Variants in PWWP3A observed in about 807,000 individuals in gnomAD.
PWWP3A encodes PWWP domain-containing DNA repair factor 3A.
PWWP3A carries 53 observed loss-of-function variants against 79.0 expected under a neutral mutation model. The observed-to-expected ratio is 0.67, with a 90% CI of 0.54 to 0.84. PWWP3A has a LOEUF of 0.84. PWWP3A is among the 40% of genes least tolerant of loss of function. The probability of loss-of-function intolerance (pLI) is 0.00; values close to 1 mark genes in which losing one functional copy is unlikely to be tolerated. For synonymous variants in PWWP3A, 443 were observed against 394.4 expected (o/e 1.12, Z -1.46); for missense variants, 973 against 948.0 (o/e 1.03, Z -0.35).
Position 1,360,691 on chromosome 19 carries a change from C to T in PWWP3A, c.770C>T (p.Ser257Phe), listed in dbSNP as rs1600101870. The T allele has an allele frequency of 6.2e-7, 1 of 1,613,474 alleles. No individual in the cohort carries two copies. The highest frequency in any genetic ancestry group is 8.5e-7 in the Non-Finnish European group (1 of 1,179,734). Reference protein sequence around the residue: ...GGSWAAPSLPSGVREDDPCAN... With the variant: ...GGSWAAPSLPFGVREDDPCAN... ...AGCTGGGCAGCCCCGTCCTTGCCCT[C>T]CGGGGTCAGGGAGGACGATCCCTGT... is the stretch of plus-strand genomic sequence containing the variant. Residue 257 changes from serine (S) to phenylalanine (F), a missense_variant, in exon 5 of 14, where the codon TCC (serine) becomes TTC (phenylalanine). Transcript: ENST00000591337. The surrounding 1 kb of genome is among the most constrained non-coding windows in gnomAD (Gnocchi z 4.4).
At chr19:1,375,558 A>AAAATATATAATTTTATATAT (rs1568965544) in intron 13 of PWWP3A, among the ~76,000 whole-genome samples, 10 of 112,798 alleles carry the variant, frequency 8.9e-5, no homozygotes, top group Non-Finnish European at 1.4e-4. Flanking sequence ...AATATATATT[A>AAAATATATAATTTTATATAT]TATATAAAAT....
chr19:1,377,205 C>CCCGCACTGTGTGTGAGTGGA lies in PWWP3A; in HGVS notation c.*635_*654dup, dbSNP rs2144789491. The CCCGCACTGTGTGTGAGTGGA allele has an allele frequency of 1.3e-5, 2 of 152,744 alleles. No homozygotes were observed. The highest frequency in any genetic ancestry group is 4.1e-4 in the South Asian group (2 of 4,850). 9.5% of individuals were successfully genotyped at this position (152,744 alleles called of 1,614,324 possible). On this transcript the variant is annotated 3_prime_UTR_variant, in exon 14 of 14. Coordinates refer to ENST00000591337, the MANE Select transcript of PWWP3A (RefSeq NM_001369789.1). ...CGCACCTTTCCAGGGGCCTCTGTGT[C>CCCGCACTGTGTGTGAGTGGA]CCGCACTGTGTGTGAGTGGACCGCA...
Position 1,354,995 on chromosome 19 carries a change from C to CGGCGGCGGCGGT in PWWP3A, c.-199_-198insTGGCGGCGGCGG, listed in dbSNP as rs2087450069. The CGGCGGCGGCGGT allele has an allele frequency of 6.7e-6, 1 of 149,306 alleles. No individual in the cohort carries two copies. Among genetic ancestry groups the CGGCGGCGGCGGT allele is most frequent in the African/African-American group, 2.5e-5 (1 of 40,788 alleles). The allele number at this position is 149,306 out of a possible 1,614,324, so 9.2% of individuals were successfully genotyped here. A position where few individuals can be genotyped will look rare whatever the true frequency, so the allele number is the denominator to read the frequency against. On this transcript the variant is annotated 5_prime_UTR_variant, in exon 1 of 14. Transcript: ENST00000591337. ...CCGGCCCCGCGGGGAGCGGCGGCGG[C>CGGCGGCGGCGGT]GGCGGCGGCGGCGGTGGCGGAGGCG... is the stretch of plus-strand genomic sequence containing the variant.
At chr19:1,357,193 T>C in intron 3 of PWWP3A, 99 bp downstream of exon 3, 2 of 797,802 alleles carry the variant, frequency 2.5e-6, no homozygotes, top group Non-Finnish European at 4.1e-6. Flanking sequence ...AGCCCACTCT[T>C]AATGGGCTTA....
At chr19:1,358,769 A>T in intron 4 of PWWP3A, 2 of 1,012,590 alleles carry the variant, frequency 2.0e-6, no homozygotes, top group South Asian at 2.7e-5. Context: ...CTTTGCTGCC[A>T]TAAGGGGGGA....
chr19:1,357,108 T>C lies in PWWP3A; in HGVS notation c.143+14T>C. The C allele has an allele frequency of 6.3e-7, 1 of 1,584,596 alleles. No homozygotes were observed. Among genetic ancestry groups the C allele is most frequent in the Non-Finnish European group, 8.6e-7 (1 of 1,157,864 alleles). On this transcript the variant is annotated intron_variant, in intron 3 of 13. Coordinates refer to ENST00000591337, the MANE Select transcript of PWWP3A (RefSeq NM_001369789.1). ...TCTAGAGGAAAAGTTAAGTGTTGTG[T>C]TGTTTTAATACTGTTTTTTCCCGTG...
At chr19:1,362,219 C>A in intron 5 of PWWP3A, 31 bp from the exon 6 acceptor site, 1 of 1,570,548 alleles carries the variant, frequency 6.4e-7, no homozygotes, top group Non-Finnish European at 8.7e-7. Flanking sequence ...AATGCAATGA[C>A]CATGAAAGTC....
rs564271005 is a variant in PWWP3A at position 1,375,023 on chromosome 19, A to G, written c.2076-1496A>G. Among the ~76,000 whole-genome samples, 26 of 151,834 alleles carry G rather than the reference A, an allele frequency of 1.7e-4. No homozygotes were observed. The South Asian group carries it at 5.4e-3, about 32-fold the overall frequency. Reference sequence around the variant, plus strand: ...ATCACGAGGTCAGGAGTTCGAGACCATCCTGGCCACCATGGTGAAACCCCA... The same window carrying G: ...ATCACGAGGTCAGGAGTTCGAGACCGTCCTGGCCACCATGGTGAAACCCCA... On this transcript the variant is annotated intron_variant, in intron 13 of 13. Transcript: ENST00000591337.
chr19:1,361,502 C>T (rs1477487455), intron 5 of PWWP3A, among the ~76,000 whole-genome samples: 1 of 152,236 alleles, frequency 6.6e-6, no homozygotes, highest in Non-Finnish European at 1.5e-5. Context: ...TGGTTGCAGG[C>T]AAGCACTGTG....
At chr19:1,363,928 T>C (rs892779091) in intron 6 of PWWP3A, among the ~76,000 whole-genome samples, 1 of 152,356 alleles carries the variant, frequency 6.6e-6, no homozygotes, top group South Asian at 2.1e-4. Context: ...ACAGACTGTT[T>C]CCAGTAGTTT....
intron 7 of PWWP3A, among the ~76,000 whole-genome samples, chr19:1,365,898 G>T (rs781329394): frequency 6.6e-6 from 1 of 152,222 alleles, no homozygotes; most frequent in African/African-American, 2.4e-5. Flanking sequence ...AGGTGGCAGC[G>T]CCCTGTAGTC....
chr19:1,374,576 C>T lies in PWWP3A; in HGVS notation c.2075+1416C>T, dbSNP rs186587419. 3.5e-3 allele frequency among the ~76,000 whole-genome samples: 527 copies of T among 152,298 alleles called. 1 individual carries two copies. Among genetic ancestry groups the T allele is most frequent in the Admixed American group, 0.01 (153 of 15,296 alleles). On this transcript the variant is annotated intron_variant, in intron 13 of 13. Transcript: ENST00000591337. ...GGTGCTGCGGCCGGTGTGCTCTCCC[C>T]TATTTCCAGGTCTGCTGGGGCGCAC... is the stretch of plus-strand genomic sequence containing the variant.
intron 13 of PWWP3A, chr19:1,373,704 G>A (rs2082308710): frequency 6.5e-6 from 1 of 154,898 alleles, no homozygotes; most frequent in Non-Finnish European, 1.4e-5. Context: ...ACAGGCTGAA[G>A]ACTCAACTAG....
rs1057135532 is a variant in PWWP3A at position 1,369,994 on chromosome 19, C to T, written c.1549+348C>T. Among the ~76,000 whole-genome samples the T allele has an allele frequency of 1.3e-5, 2 of 152,180 alleles. No individual in the cohort carries two copies. The highest frequency in any genetic ancestry group is 2.4e-5 in the African/African-American group (1 of 41,436). ...CCTGTAATCCCAGCACTTTGGGAGG[C>T]TGAAGCAAGAGGATTGCTTGAGGCC... On this transcript the variant is annotated intron_variant, in intron 11 of 13. Transcript: ENST00000591337. This position sits in a 1 kb window ranked among gnomAD's most constrained non-coding sequence, Gnocchi z 4.0.
Position 1,368,733 on chromosome 19 carries a change from C to A in PWWP3A, c.1423-532C>A, listed in dbSNP as rs911505246. 6.6e-6 allele frequency among the ~76,000 whole-genome samples: 1 copy of A among 152,230 alleles called. No homozygotes were observed. Among genetic ancestry groups the A allele is most frequent in the Non-Finnish European group, 1.5e-5 (1 of 68,032 alleles). On this transcript the variant is annotated intron_variant, in intron 9 of 13. Coordinates refer to ENST00000591337, the MANE Select transcript of PWWP3A (RefSeq NM_001369789.1). This position sits in a 1 kb window ranked among gnomAD's most constrained non-coding sequence, Gnocchi z 4.7. ...CCTGGCTGCAGACGATAGCTCCCAA[C>A]AAAAACGGCTGTTAGAGCAGCTTAT...
chr19:1,376,683 C>T lies in PWWP3A; in HGVS notation c.*107C>T. On this transcript the variant is annotated 3_prime_UTR_variant, in exon 14 of 14. Coordinates refer to ENST00000591337, the MANE Select transcript of PWWP3A (RefSeq NM_001369789.1). ...CTCAGGGGGCACGTTTGCGTTTGGA[C>T]CTGTCTGTGCGTTCTCCTGCGTGGC... The T allele has an allele frequency of 9.6e-7, 1 of 1,044,942 alleles. No individual in the cohort carries two copies. The highest frequency in any genetic ancestry group is 1.5e-6 in the Non-Finnish European group (1 of 688,776). The allele number at this position is 1,044,942 out of a possible 1,614,324, so 64.7% of individuals were successfully genotyped here. A position where few individuals can be genotyped will look rare whatever the true frequency, so the allele number is the denominator to read the frequency against.
At chr19:1,366,071 T>C (rs2082121160) in intron 7 of PWWP3A, among the ~76,000 whole-genome samples, 1 of 152,222 alleles carries the variant, frequency 6.6e-6, no homozygotes, top group Admixed American at 6.5e-5. Context: ...GTTCTTTTTA[T>C]TCAAAAACCC....
At chr19:1,372,016 G>A (rs796590189) in intron 12 of PWWP3A, 1 of 153,040 alleles carries the variant, frequency 6.5e-6, no homozygotes, top group South Asian at 2.1e-4. Flanking sequence ...ATGTTGGCCA[G>A]GATGATCTTG....
At chr19:1,356,032 C>A (rs994994605) in intron 1 of PWWP3A, among the ~76,000 whole-genome samples, 2 of 152,126 alleles carry the variant, frequency 1.3e-5, no homozygotes, top group Admixed American at 6.6e-5. Context: ...GGCAGGTCTT[C>A]CGCACGGAGA....
Sources: gnomAD v4.1 joint callset for allele counts (sites outside exome capture counted in the v4.1 genomes callset) on GRCh38, gnomAD v4.1.1 for gene constraint, Gnocchi (gnomAD v3.1) non-coding constraint, MANE v1.5 for transcripts, NCBI Gene and HGNC (gene_info 2026-07-23, HGNC 2026-07-21) for gene names.